LARP1: variants seen among roughly 807,000 people sequenced by gnomAD.
LARP1 encodes the protein La ribonucleoprotein 1, translational regulator, also known as la-related protein 1.
A neutral mutation model predicts 122.7 loss-of-function variants in LARP1; 36 were observed. The observed-to-expected ratio is 0.29, with a 90% CI of 0.22 to 0.39. The LOEUF (loss-of-function observed/expected upper bound fraction) is 0.39, where lower values mean the gene tolerates loss of function less well. Among genes scored for constraint, LARP1 ranks in the 10% least tolerant of loss-of-function variants. LARP1 has a pLI of 1.00. For missense variants in LARP1, 1,040 were observed against 1,403.6 expected (o/e 0.74, Z 4.14); for synonymous variants, 539 against 528.7 (o/e 1.02, Z -0.27).
In LARP1 at chr5:154,814,011, C is replaced by A; in HGVS notation, c.3206C>A (p.Pro1069His). The change falls in exon 19 of 19, where the codon CCC becomes CAC. Residue 1069 changes from proline to histidine, a missense_variant. This residue lies in a region of LARP1 where 129 missense variants were observed against 160.8 expected (regional missense o/e 0.80). Transcript: ENST00000518297. The stretch of plus-strand genomic sequence containing the variant: ...AGGCCTGCTGCCATGATCAGCCAAC[C>A]CCCTACACCACCCACCGGCCAGCCT... ...SSRPAAMISQ[P>H]PTPPTGQPVR... 1.2e-6 allele frequency: 2 copies of A among 1,614,080 alleles called. No individual in the cohort carries two copies. The highest frequency in any genetic ancestry group is 2.2e-5 in the East Asian group (1 of 44,858).
intron 1 of LARP1, among the ~76,000 whole-genome samples, chr5:154,759,933 T>A (rs1754310631): frequency 7.5e-6 from 1 of 133,220 alleles, no homozygotes; most frequent in Non-Finnish European, 1.6e-5. Context: ...GTTTGTTTGT[T>A]TGTTTGTTTG....
chr5:154,751,366 T>A (rs145523735), upstream of LARP1, among the ~76,000 whole-genome samples: 162 of 152,364 alleles, frequency 1.1e-3, no homozygotes, highest in African/African-American at 3.6e-3. Flanking sequence ...TAGCCTGTAG[T>A]GCCTGGCACA....
chr5:154,752,260 T>G (rs1753541889), upstream of LARP1, among the ~76,000 whole-genome samples: 1 of 152,210 alleles, frequency 6.6e-6, no homozygotes, highest in Non-Finnish European at 1.5e-5. Context: ...TTTCTTTTTT[T>G]GAGATGGAGT....
intron 1 of LARP1, among the ~76,000 whole-genome samples, chr5:154,714,385 T>G (rs1020980641): frequency 1.2e-4 from 18 of 152,216 alleles, no homozygotes; most frequent in Non-Finnish European, 2.4e-4. Flanking sequence ...TTACTGGGAC[T>G]TTTTGAAATG....
rs367570056 is a variant in LARP1 at position 154,756,074 on chromosome 5, C to T, written c.317C>T (p.Ala106Val). The T allele has an allele frequency of 1.5e-4, 171 of 1,145,170 alleles. No homozygotes were observed. The African/African-American group carries it at 2.7e-3, about 18-fold the overall frequency. The allele number at this position is 1,145,170 out of a possible 1,614,324, so 70.9% of individuals were successfully genotyped here. A position where few individuals can be genotyped will look rare whatever the true frequency, so the allele number is the denominator to read the frequency against. ...GAGCCAGGCGCTGGCGGAGGAGCTG[C>T]CGGAGCCGCGGGCGCGGGGCGCCGG... ...GGEPGAGGGA[A>V]GAAGAGRRDF... The change falls in exon 1 of 19, where the codon GCC becomes GTC. Residue 106 changes from alanine to valine, a missense_variant. Ala to Val is a moderately conservative substitution (Grantham distance 64, BLOSUM62 0). This residue lies in a region of LARP1 where 257 missense variants were observed against 273.3 expected (regional missense o/e 0.94). Coordinates refer to ENST00000518297, the MANE Select transcript of LARP1 (RefSeq NM_033551.3).
At chr5:154,809,648 GTAT>G (rs202187124) in intron 16 of LARP1, among the ~76,000 whole-genome samples, 1,702 of 150,164 alleles carry the variant, frequency 0.011, 31 homozygotes, top group African/African-American at 0.04. Flanking sequence ...ATTTGATAAT[GTAT>G]TATTGTAAGC....
chr5:154,689,633 AAAAG>A (rs1184914527), intron 1 of LARP1, among the ~76,000 whole-genome samples: 7 of 151,614 alleles, frequency 4.6e-5, no homozygotes, highest in Admixed American at 6.6e-5. Context: ...AAAAAAAAAA[AAAAG>A]AAAGAAAAGA....
chr5:154,734,717 G>A (rs916927035), intron 1 of LARP1, among the ~76,000 whole-genome samples: 2 of 151,980 alleles, frequency 1.3e-5, no homozygotes, highest in East Asian at 1.9e-4. Context: ...CCATCTTTAA[G>A]TGTACATTCA....
At chr5:154,754,035 A>C (rs2113527008), upstream of LARP1, among the ~76,000 whole-genome samples, 1 of 152,354 alleles carries the variant, frequency 6.6e-6, no homozygotes, top group East Asian at 1.9e-4. Flanking sequence ...CTTGCTAGAC[A>C]CGCAGATTTC....
chr5:154,693,295 G>A (rs915284838), intron 1 of LARP1, among the ~76,000 whole-genome samples: 3 of 152,100 alleles, frequency 2.0e-5, no homozygotes, highest in East Asian at 3.9e-4. Flanking sequence ...GAGCCACCAC[G>A]CCCTGCTAAT....
chr5:154,702,087 A>G (rs1220851549), intron 1 of LARP1, among the ~76,000 whole-genome samples: 1 of 152,184 alleles, frequency 6.6e-6, no homozygotes, highest in Non-Finnish European at 1.5e-5. Context: ...TCTACTGTGT[A>G]CAAAGAAGTC....
rs544236992 is a variant in LARP1, at chr5:154,807,743, G to A, written c.2699-716G>A. 2.8e-3 allele frequency among the ~76,000 whole-genome samples: 423 copies of A among 152,168 alleles called. 1 individual carries two copies. The highest frequency in any genetic ancestry group is 0.01 in the African/African-American group (417 of 41,524). On this transcript the variant is annotated intron_variant, in intron 15 of 18. Transcript: ENST00000518297. ...TTACTAAAAGTTTTCTGTAGAGACA[G>A]GGGTCTCACTATGTTGACCATGGTG...
intron 8 of LARP1, among the ~76,000 whole-genome samples, chr5:154,799,155 C>T (rs1758133449): frequency 6.6e-6 from 1 of 152,214 alleles, no homozygotes; most frequent in Non-Finnish European, 1.5e-5. Flanking sequence ...AGCCACCAGG[C>T]CCGACCTGTA....
intron 8 of LARP1, among the ~76,000 whole-genome samples, chr5:154,796,020 T>TTA (rs1221330346): frequency 1.0e-5 from 1 of 99,078 alleles, no homozygotes; most frequent in Non-Finnish European, 1.9e-5. Flanking sequence ...TATTTATATA[T>TTA]TATATATATT....
chr5:154,801,356 GCTC>G (rs1454922340), intron 10 of LARP1, among the ~76,000 whole-genome samples: 1 of 152,182 alleles, frequency 6.6e-6, no homozygotes, highest in Non-Finnish European at 1.5e-5. Context: ...AGTTGACTAA[GCTC>G]CTTTAACTGT....
intron 1 of LARP1, among the ~76,000 whole-genome samples, chr5:154,762,124 T>C (rs893196464): frequency 1.3e-4 from 20 of 152,014 alleles, no homozygotes; most frequent in Admixed American, 1.1e-3. Context: ...GTGCCTGTAG[T>C]CCCAGCTACT....
chr5:154,739,403 C>T (rs967346898), intron 1 of LARP1, among the ~76,000 whole-genome samples: 1 of 152,188 alleles, frequency 6.6e-6, no homozygotes, highest in South Asian at 2.1e-4. Context: ...TTGAGTTTAG[C>T]TATTTTTGTT....
intron 1 of LARP1, among the ~76,000 whole-genome samples, chr5:154,687,524 G>A (rs1415027536): frequency 1.3e-5 from 2 of 152,172 alleles, no homozygotes; most frequent in African/African-American, 2.4e-5. Flanking sequence ...TGGGACTACA[G>A]GCACCCACCA....
chr5:154,797,639 A>G (rs893378880), intron 8 of LARP1, among the ~76,000 whole-genome samples: 2 of 150,490 alleles, frequency 1.3e-5, no homozygotes, highest in Non-Finnish European at 3.0e-5. Flanking sequence ...TGATACCAAC[A>G]TAATTACTCA....
Sources: allele counts gnomAD v4.1 joint callset (sites outside exome capture counted in the v4.1 genomes callset), GRCh38; gene constraint gnomAD v4.1.1; regional missense constraint gnomAD v4.1.1; transcripts MANE v1.5; gene names NCBI Gene and HGNC (gene_info 2026-07-23, HGNC 2026-07-21).